The following CLC variants were observed in gnomAD, a reference collection of about 807,000 sequenced individuals.
CLC encodes the protein galectin-10.
CLC carries 15 observed loss-of-function variants against 13.9 expected under a neutral mutation model. That is an observed-to-expected ratio of 1.08 (90% CI 0.72 to 1.66). The LOEUF is 1.66. Among genes scored for constraint, CLC ranks in the 40% most tolerant of loss-of-function variants. CLC has a pLI of 0.00. For synonymous variants in CLC, 68 were observed against 59.9 expected (o/e 1.14, Z -0.63); for missense variants, 161 against 169.1 (o/e 0.95, Z 0.27).
Position 39,732,266 on chromosome 19 carries a change from A to G in CLC, c.304-761T>C, listed in dbSNP as rs1438996520. ...CCCACAACAGTCCCCAGAGTGTGAT[A>G]TTCCCCTTCCTGTGTCCATGTGATC... On this transcript the variant is annotated intron_variant, in intron 3 of 3. Transcript: ENST00000221804. Among the ~76,000 whole-genome samples, 23 of 99,770 alleles carry G rather than the reference A, an allele frequency of 2.3e-4. No individual in the cohort carries two copies. In the South Asian group the frequency reaches 3.5e-3, roughly 15 times the overall value. The allele number at this position is 99,770 out of a possible 152,430, so 65.5% of individuals were successfully genotyped here.
intron 3 of CLC, 54 bp downstream of exon 3, chr19:39,734,229 T>A (rs391646): frequency 0.66 from 1,029,655 of 1,565,546 alleles, 344,301 homozygotes; most frequent in African/African-American, 0.77. Context: ...AAGAGCTGCC[T>A]CCTGCTCTGA....
intron 2 of CLC, 87 bp from the exon 3 acceptor site, chr19:39,734,580 T>G: frequency 8.5e-7 from 1 of 1,178,064 alleles, no homozygotes; most frequent in East Asian, 2.4e-5. Context: ...GCCCCTTCCG[T>G]GGTCGAGCAA....
At position 39,734,378 on chromosome 19, in the gene CLC, CA is replaced by C; in HGVS notation, c.207del (p.Tyr69Ter). On this transcript the variant is annotated frameshift_variant, in exon 3 of 4. Transcript: ENST00000221804. LOFTEE classifies it high-confidence loss of function. ...GATTCCACCTGCTGCTTCCAGGCCC[CA>C]TACTCACGGCTGTTCATGACCACAC... ...GRRVVMNSREYGAWKQQVESK... is the reference protein window; with the variant it reads ...GRRVVMNSREXGAWKQQVESK... 2 of 1,614,072 alleles carry C rather than the reference CA, an allele frequency of 1.2e-6. No individual in the cohort carries two copies. The highest frequency in any genetic ancestry group is 1.7e-6 in the Non-Finnish European group (2 of 1,179,980).
intron 3 of CLC, among the ~76,000 whole-genome samples, chr19:39,731,860 C>G (rs907057390): frequency 7.9e-5 from 12 of 152,134 alleles, no homozygotes; most frequent in African/African-American, 2.9e-4. Context: ...AGGGTAAGTG[C>G]TCAACAATGT....
chr19:39,731,777 C>T (rs1967229761), intron 3 of CLC, among the ~76,000 whole-genome samples: 1 of 152,204 alleles, frequency 6.6e-6, no homozygotes, highest in Non-Finnish European at 1.5e-5. Flanking sequence ...TCCCCTCTAT[C>T]CTGGAAGATC....
chr19:39,734,584 C>A (rs990870544), intron 2 of CLC, 91 bp from the exon 3 acceptor site: 2 of 1,086,554 alleles, frequency 1.8e-6, no homozygotes, highest in South Asian at 1.4e-5. Context: ...CTTCCGTGGT[C>A]GAGCAAAGAC....
rs1967278521 is a variant in CLC at position 39,734,497 on chromosome 19, A to G, written c.93-4T>C. 2 of 1,612,292 alleles carry G rather than the reference A, an allele frequency of 1.2e-6. No individual in the cohort carries two copies. Among genetic ancestry groups the G allele is most frequent in the Non-Finnish European group, 1.7e-6 (2 of 1,178,370 alleles). Reference sequence around the variant, plus strand: ...CACCTGCAGATATGGTTCATTCCTGAGGGCAGAGCACACAGTGTTGAGCAG... The same window carrying G: ...CACCTGCAGATATGGTTCATTCCTGGGGGCAGAGCACACAGTGTTGAGCAG... On this transcript the variant is annotated splice_region_variant and splice_polypyrimidine_tract_variant and intron_variant, in intron 2 of 3. Transcript: ENST00000221804.
chr19:39,737,810 T>C, intron 1 of CLC, 128 bp downstream of exon 1: 1 of 997,718 alleles, frequency 1.0e-6, no homozygotes, highest in Non-Finnish European at 1.5e-6. Flanking sequence ...AGGGTCTCTC[T>C]TCCACACACC....
In CLC at chr19:39,731,313, C is replaced by T. The variant is rs1425642588; in HGVS notation, c.*67G>A. The stretch of plus-strand genomic sequence containing the variant: ...AGGATTGAAGTGAGAAAAGATCATG[C>T]TGTTAGCTGGCTTTGGAATCCCAAG... On this transcript the variant is annotated 3_prime_UTR_variant, in exon 4 of 4. Coordinates refer to ENST00000221804, the MANE Select transcript of CLC (RefSeq NM_001828.6). The T allele has an allele frequency of 2.1e-5, 31 of 1,503,570 alleles. No homozygotes were observed. Among genetic ancestry groups the T allele is most frequent in the Non-Finnish European group, 2.6e-5 (28 of 1,083,352 alleles). 93.1% of individuals were successfully genotyped at this position (1,503,570 alleles called of 1,614,324 possible). A position where few individuals can be genotyped will look rare whatever the true frequency, so the allele number is the denominator to read the frequency against.
chr19:39,734,375 C>T lies in CLC; in HGVS notation c.211G>A (p.Ala71Thr). The T allele has an allele frequency of 6.2e-7, 1 of 1,614,054 alleles. No homozygotes were observed. The highest frequency in any genetic ancestry group is 8.5e-7 in the Non-Finnish European group (1 of 1,179,946). Residue 71 changes from alanine to threonine, a missense_variant, in exon 3 of 4, where the codon GCC becomes ACC. By Grantham distance (58) the Ala-to-Thr change is moderately conservative (BLOSUM62 0). Transcript: ENST00000221804. ...RVVMNSREYG[A>T]WKQQVESKNM... is the part of the protein sequence containing the mutation. ...TTGGATTCCACCTGCTGCTTCCAGG[C>T]CCCATACTCACGGCTGTTCATGACC...
At position 39,737,544 on chromosome 19, in the gene CLC, C is replaced by T. The variant is rs115076759; in HGVS notation, c.15+394G>A. 5.3e-3 allele frequency among the ~76,000 whole-genome samples: 812 copies of T among 152,168 alleles called. 11 individuals are homozygous for T. Among genetic ancestry groups the T allele is most frequent in the African/African-American group, 0.019 (784 of 41,520 alleles). ...CCTGCTCACTGTGCATATAAAGATGCTCATGCACTGGTCCGGCTGTGCTCA... is the reference window on the plus strand; with the variant it reads ...CCTGCTCACTGTGCATATAAAGATGTTCATGCACTGGTCCGGCTGTGCTCA... On this transcript the variant is annotated intron_variant, in intron 1 of 3. Transcript: ENST00000221804.
intron 1 of CLC, 139 bp downstream of exon 1, chr19:39,737,799 T>C (rs994840819): frequency 8.2e-6 from 7 of 857,788 alleles, no homozygotes; most frequent in African/African-American, 1.7e-5. Flanking sequence ...ACCATAGCCC[T>C]AGGGTCTCTC....
intron 1 of CLC, among the ~76,000 whole-genome samples, 185 bp downstream of exon 1, chr19:39,737,753 C>T (rs547916643): frequency 6.6e-6 from 1 of 152,262 alleles, no homozygotes; most frequent in African/African-American, 2.4e-5. Flanking sequence ...CCAGCATCCA[C>T]ACCCCCTACC....
intron 3 of CLC, among the ~76,000 whole-genome samples, chr19:39,732,205 A>C: frequency 9.7e-6 from 1 of 102,578 alleles, no homozygotes. Context: ...AGCATTAGGT[A>C]TATCTCCCAA....
intron 2 of CLC, among the ~76,000 whole-genome samples, 154 bp from the exon 3 acceptor site, chr19:39,734,647 C>A (rs1282140216): frequency 2.0e-5 from 3 of 152,200 alleles, no homozygotes; most frequent in African/African-American, 7.2e-5. Context: ...TCCTTGTGTT[C>A]TCCATGGGTG....
At chr19:39,731,652 C>T in intron 3 of CLC, 147 bp from the exon 4 acceptor site, 1 of 738,652 alleles carries the variant, frequency 1.4e-6, no homozygotes, top group Non-Finnish European at 2.1e-6. Flanking sequence ...TTCTTTTTTA[C>T]AGACTACCTG....
rs1017537861 is a variant in CLC, at chr19:39,736,071, G to A, written c.16-998C>T. ...GTTTAATTTTATGGGAATACCAAAC[G>A]ATTTTCCAATGTAGCTGTATCATTT... is the stretch of plus-strand genomic sequence containing the variant. On this transcript the variant is annotated intron_variant, in intron 1 of 3. Coordinates refer to ENST00000221804, the MANE Select transcript of CLC (RefSeq NM_001828.6). 9.9e-5 allele frequency among the ~76,000 whole-genome samples: 15 copies of A among 152,016 alleles called. 1 individual carries two copies. The highest frequency in any genetic ancestry group is 2.2e-4 in the Non-Finnish European group (15 of 68,016).
Position 39,731,559 on chromosome 19 carries a change from C to A in CLC, c.304-54G>T, listed in dbSNP as rs1967226327. The A allele has an allele frequency of 2.6e-6, 4 of 1,554,418 alleles. No individual in the cohort carries two copies. In the African/African-American group the frequency reaches 5.5e-5, roughly 21 times the overall value. On this transcript the variant is annotated intron_variant, in intron 3 of 3. Transcript: ENST00000221804. Reference sequence around the variant, plus strand: ...GACAGTATTTCACCAAACAAGCTTTCAGCCTGCTCTCTATGGTGTCATAGT... The same window carrying A: ...GACAGTATTTCACCAAACAAGCTTTAAGCCTGCTCTCTATGGTGTCATAGT...
At chr19:39,737,171 G>A (rs1210957971) in intron 1 of CLC, among the ~76,000 whole-genome samples, 1 of 151,934 alleles carries the variant, frequency 6.6e-6, no homozygotes, top group South Asian at 2.1e-4. Flanking sequence ...CTGGAGGCAG[G>A]AGCCAGTGGT....
Sources: allele counts gnomAD v4.1 joint callset (sites outside exome capture counted in the v4.1 genomes callset), GRCh38; gene constraint gnomAD v4.1.1; transcripts MANE v1.5; gene names NCBI Gene and HGNC (gene_info 2026-07-23, HGNC 2026-07-21).